Variants in GALNT14 observed in about 807,000 individuals in gnomAD.
GALNT14 encodes the protein polypeptide N-acetylgalactosaminyltransferase 14.
In GALNT14, 60 loss-of-function variants were observed where a neutral mutation model predicts 77.5. The observed-to-expected ratio is 0.77, with a 90% CI of 0.63 to 0.96. The LOEUF (loss-of-function observed/expected upper bound fraction) is 0.96. GALNT14 is among the 40% of genes least tolerant of loss of function. The probability of loss-of-function intolerance (pLI) is 0.00; values close to 1 mark genes in which losing one functional copy is unlikely to be tolerated. For missense variants in GALNT14, 710 were observed against 731.0 expected (o/e 0.97, Z 0.33); for synonymous variants, 280 against 281.7 (o/e 0.99, Z 0.06).
At chr2:30,925,269 G>A (rs1449482115) in intron 11 of GALNT14, among the ~76,000 whole-genome samples, 1 of 152,154 alleles carries the variant, frequency 6.6e-6, no homozygotes, top group African/African-American at 2.4e-5. Flanking sequence ...TCTGGGGCCT[G>A]GTCATGTATT....
intron 1 of GALNT14, among the ~76,000 whole-genome samples, chr2:31,069,115 G>A (rs1675178799): frequency 6.6e-6 from 1 of 152,134 alleles, no homozygotes. Context: ...TAAAACCATT[G>A]ATCTTTACTT....
chr2:30,921,674 C>A (rs1437453165), intron 13 of GALNT14, among the ~76,000 whole-genome samples: 1 of 152,206 alleles, frequency 6.6e-6, no homozygotes, highest in Non-Finnish European at 1.5e-5. Context: ...CATTCAATGT[C>A]AGGGTAGGGG....
At chr2:30,897,655 G>A in the GALNT14 span, among the ~76,000 whole-genome samples, 7 of 152,242 alleles carry the variant, frequency 4.6e-5, no homozygotes, top group African/African-American at 1.7e-4. Flanking sequence ...CTTCGGCAAC[G>A]CACACACACT....
intron 1 of GALNT14, among the ~76,000 whole-genome samples, chr2:31,061,003 C>T (rs1674555438): frequency 6.6e-6 from 1 of 152,066 alleles, no homozygotes; most frequent in Non-Finnish European, 1.5e-5. Context: ...CATTCCTGAT[C>T]TTCCCTTCTC....
intron 1 of GALNT14, among the ~76,000 whole-genome samples, chr2:31,100,072 A>C (rs977042133): frequency 2.0e-5 from 3 of 151,764 alleles, no homozygotes; most frequent in Non-Finnish European, 4.4e-5. Context: ...TAGACCCTGG[A>C]TATTTTTTGT....
intron 1 of GALNT14, among the ~76,000 whole-genome samples, chr2:31,099,417 C>G (rs1677160073): frequency 6.6e-6 from 1 of 151,052 alleles, no homozygotes; most frequent in African/African-American, 2.4e-5. Context: ...GATTTTTTTC[C>G]TTCAATTTTT....
the GALNT14 span, among the ~76,000 whole-genome samples, chr2:30,905,419 A>G: frequency 9.2e-5 from 14 of 152,086 alleles, no homozygotes; most frequent in Admixed American, 2.6e-4. Flanking sequence ...AGAATGCAGA[A>G]GCCTCAGGAG....
At chr2:31,077,874 T>G (rs1370473943) in intron 1 of GALNT14, among the ~76,000 whole-genome samples, 1 of 152,220 alleles carries the variant, frequency 6.6e-6, no homozygotes, top group African/African-American at 2.4e-5. Context: ...AAGGCTATTA[T>G]GGGTTGGCTG....
At chr2:31,023,188 T>G (rs1450906599) in intron 1 of GALNT14, among the ~76,000 whole-genome samples, 1 of 151,886 alleles carries the variant, frequency 6.6e-6, no homozygotes. Context: ...CAAAACAAGG[T>G]ATGTTTGAAG....
At chr2:30,990,872 C>A (rs2241429) in intron 2 of GALNT14, among the ~76,000 whole-genome samples, 47,543 of 152,018 alleles carry the variant, frequency 0.31, 8,007 homozygotes, top group African/African-American at 0.42. Context: ...CAAAGGGAGT[C>A]TAAATTCTGT....
rs147474295 is a variant in GALNT14, at chr2:30,929,433, G to C, written c.1113C>G (p.Tyr371Ter). The change falls in exon 11 of 15, where the codon TAC (tyrosine) becomes TAG (stop). Residue 371 changes from tyrosine to a stop codon, truncating the protein, a stop_gained. Transcript: ENST00000349752. LOFTEE classifies it high-confidence loss of function. Reference protein sequence around the residue: ...VWMDEYKQYYYAARPFALERP... With the variant: ...VWMDEYKQYY ...TCTCCAGGGCGAATGGCCGGGCAGC[G>C]TAATAGTATTGCTTGTATTCATCCA... 1 of 1,614,026 alleles carries C rather than the reference G, an allele frequency of 6.2e-7. No homozygotes were observed. Among genetic ancestry groups the C allele is most frequent in the African/African-American group, 1.3e-5 (1 of 74,924 alleles).
rs3223043 is a variant in GALNT14, at chr2:31,000,435, C to CTGTGTGTGTGTGTGTG, written c.130-7444_130-7429dup. Among the ~76,000 whole-genome samples the CTGTGTGTGTGTGTGTG allele has an allele frequency of 1.2e-3, 169 of 146,076 alleles. 1 individual carries two copies. The highest frequency in any genetic ancestry group is 3.3e-3 in the African/African-American group (131 of 39,570). On this transcript the variant is annotated intron_variant, in intron 1 of 14. Transcript: ENST00000349752. The stretch of plus-strand genomic sequence containing the variant: ...GGGTTCTACAGAAAAATATCACCAA[C>CTGTGTGTGTGTGTGTG]TGTGTGTGTGTGTGTGTGTGTGTGT...
At chr2:30,898,743 G>C in the GALNT14 span, among the ~76,000 whole-genome samples, 1 of 152,116 alleles carries the variant, frequency 6.6e-6, no homozygotes. Context: ...AGATGTTTCT[G>C]CCACTCAGTT....
At chr2:31,072,016 C>T (rs1558546733) in intron 1 of GALNT14, among the ~76,000 whole-genome samples, 1 of 151,962 alleles carries the variant, frequency 6.6e-6, no homozygotes, top group African/African-American at 2.4e-5. Context: ...GGGCCACCCA[C>T]GTGTGGGAGA....
intron 1 of GALNT14, among the ~76,000 whole-genome samples, chr2:31,026,250 C>T (rs1672046409): frequency 6.6e-6 from 1 of 152,176 alleles, no homozygotes; most frequent in Non-Finnish European, 1.5e-5. Flanking sequence ...ATTTCCTTTT[C>T]CTTGTATTAT....
chr2:31,095,319 G>T (rs150929889), intron 1 of GALNT14, among the ~76,000 whole-genome samples: 1 of 152,260 alleles, frequency 6.6e-6, no homozygotes, highest in East Asian at 1.9e-4. Context: ...ATGTGCATCA[G>T]CCCTGACAAA....
intron 1 of GALNT14, among the ~76,000 whole-genome samples, chr2:31,130,736 G>C (rs1163691930): frequency 5.6e-5 from 2 of 35,686 alleles, no homozygotes; most frequent in South Asian, 1.1e-3. Context: ...GGGTACCTCT[G>C]TGTGTGTGTG....
At position 31,033,545 on chromosome 2, in the gene GALNT14, T is replaced by G. The variant is rs77373987; in HGVS notation, c.130-40538A>C. On this transcript the variant is annotated intron_variant, in intron 1 of 14. Coordinates refer to ENST00000349752, the MANE Select transcript of GALNT14 (RefSeq NM_024572.4). Reference sequence around the variant, plus strand: ...TTCCTAAGGAAACTCCTGTGTGTAGTTAACACATACCTCCCCATCCCAAGA... The same window carrying G: ...TTCCTAAGGAAACTCCTGTGTGTAGGTAACACATACCTCCCCATCCCAAGA... 3.0e-3 allele frequency among the ~76,000 whole-genome samples: 450 copies of G among 152,304 alleles called. 2 individuals are homozygous for G. The highest frequency in any genetic ancestry group is 0.01 in the African/African-American group (423 of 41,564).
intron 6 of GALNT14, among the ~76,000 whole-genome samples, chr2:30,946,351 G>C (rs1013406299): frequency 1.3e-5 from 2 of 152,124 alleles, no homozygotes; most frequent in Non-Finnish European, 2.9e-5. Flanking sequence ...GGATCATAAG[G>C]GTGGATTTCT....
Sources: allele counts gnomAD v4.1 joint callset (sites outside exome capture counted in the v4.1 genomes callset), GRCh38; gene constraint gnomAD v4.1.1; transcripts MANE v1.5; gene names NCBI Gene and HGNC (gene_info 2026-07-23, HGNC 2026-07-21).